The following AFG2A variants were observed in gnomAD, a reference collection of about 807,000 sequenced individuals.
AFG2A encodes the protein ATPase family gene 2 protein homolog A.
At chr4:123,084,196 T>C in the AFG2A span, among the ~76,000 whole-genome samples, 1 of 152,054 alleles carries the variant, frequency 6.6e-6, no homozygotes, top group African/African-American at 2.4e-5. Context: ...CTTTTCTCTT[T>C]TTTTCGTAGA....
the AFG2A span, among the ~76,000 whole-genome samples, chr4:123,005,683 T>C: frequency 2.0e-5 from 3 of 152,348 alleles, no homozygotes; most frequent in African/African-American, 7.2e-5. Flanking sequence ...TGATATAGTG[T>C]ATTTTCATTT....
chr4:123,000,311 A>G, the AFG2A span, among the ~76,000 whole-genome samples: 5 of 151,082 alleles, frequency 3.3e-5, no homozygotes, highest in Non-Finnish European at 5.9e-5. Context: ...TCTCCTGCCT[A>G]ATTGCCCTGG....
chr4:123,090,691 G>A, the AFG2A span: 1 of 1,614,020 alleles, frequency 6.2e-7, no homozygotes, highest in Non-Finnish European at 8.5e-7. Context: ...TAACCGTCCA[G>A]ATAGGATAGA....
chr4:123,206,120 T>TA, the AFG2A span, among the ~76,000 whole-genome samples: 1 of 152,198 alleles, frequency 6.6e-6, no homozygotes, highest in African/African-American at 2.4e-5. Flanking sequence ...GCTAGGTTGA[T>TA]ACACTCAGAG....
chr4:123,135,847 T>C, the AFG2A span, among the ~76,000 whole-genome samples: 3 of 151,946 alleles, frequency 2.0e-5, no homozygotes. Context: ...ATATAGAAAA[T>C]CCTAAGGACT....
At chr4:123,224,707 A>G in the AFG2A span, among the ~76,000 whole-genome samples, 1 of 152,116 alleles carries the variant, frequency 6.6e-6, no homozygotes, top group Non-Finnish European at 1.5e-5. Context: ...ATGATTTATA[A>G]TCATTTGGGT....
the AFG2A span, among the ~76,000 whole-genome samples, chr4:123,083,661 G>A: frequency 2.0e-5 from 3 of 150,592 alleles, no homozygotes; most frequent in East Asian, 3.9e-4. Context: ...CTTGAACTCT[G>A]GGCTAATGTA....
At chr4:123,098,317 G>T in the AFG2A span, among the ~76,000 whole-genome samples, 1 of 151,994 alleles carries the variant, frequency 6.6e-6, no homozygotes, top group East Asian at 1.9e-4. Flanking sequence ...TTGTGGAATG[G>T]CTAGATCAAG....
the AFG2A span, among the ~76,000 whole-genome samples, chr4:123,260,295 G>T: frequency 6.6e-6 from 1 of 152,148 alleles, no homozygotes; most frequent in African/African-American, 2.4e-5. Flanking sequence ...TTAACTTCAT[G>T]TAAACTTAGT....
At chr4:122,988,015 C>G in the AFG2A span, among the ~76,000 whole-genome samples, 1 of 151,338 alleles carries the variant, frequency 6.6e-6, no homozygotes, top group Middle Eastern at 3.4e-3. Flanking sequence ...CTTTATTGCT[C>G]TCTTATTTTT....
At chr4:123,053,912 A>G in the AFG2A span, among the ~76,000 whole-genome samples, 4 of 152,052 alleles carry the variant, frequency 2.6e-5, no homozygotes, top group Non-Finnish European at 5.9e-5. Flanking sequence ...GTCGGGGAGG[A>G]TCAGAGTCCC....
chr4:123,288,397 G>A, the AFG2A span, among the ~76,000 whole-genome samples: 1 of 152,112 alleles, frequency 6.6e-6, no homozygotes, highest in Non-Finnish European at 1.5e-5. Context: ...GATTGATCTT[G>A]GCAGCACAGA....
the AFG2A span, among the ~76,000 whole-genome samples, chr4:122,972,036 A>G: frequency 6.6e-6 from 1 of 152,102 alleles, no homozygotes; most frequent in Non-Finnish European, 1.5e-5. Flanking sequence ...TTGTGAATCA[A>G]GTTGGGAATT....
chr4:122,994,274 T>C, the AFG2A span, among the ~76,000 whole-genome samples: 1 of 152,162 alleles, frequency 6.6e-6, no homozygotes, highest in South Asian at 2.1e-4. Context: ...TGGAAAGATA[T>C]AAAGAAGTCC....
At chr4:123,144,146 T>A in the AFG2A span, among the ~76,000 whole-genome samples, 2 of 152,024 alleles carry the variant, frequency 1.3e-5, no homozygotes, top group African/African-American at 4.8e-5. Flanking sequence ...CCTATGGGGT[T>A]GACAACTTTT....
the AFG2A span, among the ~76,000 whole-genome samples, chr4:123,176,836 C>G: frequency 2.0e-5 from 3 of 151,940 alleles, no homozygotes; most frequent in African/African-American, 7.3e-5. Context: ...CTACTCTTGC[C>G]TTGTGGGAGG....
chr4:122,954,269 C>G, the AFG2A span, among the ~76,000 whole-genome samples: 1 of 152,164 alleles, frequency 6.6e-6, no homozygotes, highest in African/African-American at 2.4e-5. Context: ...ATCCCCGTGT[C>G]CCATAGACAG....
the AFG2A span, among the ~76,000 whole-genome samples, chr4:123,211,175 C>T: frequency 6.6e-6 from 1 of 152,112 alleles, no homozygotes; most frequent in Non-Finnish European, 1.5e-5. Context: ...TTATTAGTAT[C>T]TTCATTTCCT....
At chr4:123,137,009 A>G in the AFG2A span, among the ~76,000 whole-genome samples, 8 of 152,086 alleles carry the variant, frequency 5.3e-5, no homozygotes, top group Non-Finnish European at 1.0e-4. Context: ...GGATGAAACT[A>G]TTTCACTTCA....
Sources: gnomAD v4.1 joint callset for allele counts (sites outside exome capture counted in the v4.1 genomes callset) on GRCh38, gnomAD v4.1.1 for gene constraint, MANE v1.5 for transcripts, NCBI Gene and HGNC (gene_info 2026-07-23, HGNC 2026-07-21) for gene names.